The following SYT17 variants were observed in gnomAD, a reference collection of about 807,000 sequenced individuals.
SYT17 encodes the protein synaptotagmin 17.
A neutral mutation model predicts 46.7 loss-of-function variants in SYT17; 22 were observed. That is an observed-to-expected ratio of 0.47 (90% CI 0.34 to 0.67). The LOEUF (loss-of-function observed/expected upper bound fraction) is 0.67. SYT17 is among the 30% of genes least tolerant of loss of function. The probability of loss-of-function intolerance (pLI) is 0.01; values close to 1 mark genes in which losing one functional copy is unlikely to be tolerated. For missense variants in SYT17, 519 were observed against 612.8 expected, an observed-to-expected ratio of 0.85 and a Z score of 1.62; for synonymous variants, 251 against 248.4, an observed-to-expected ratio of 1.01 and a Z score of -0.10.
intron 5 of SYT17, among the ~76,000 whole-genome samples, chr16:19,191,300 G>A (rs1233949688): frequency 6.6e-6 from 1 of 152,214 alleles, no homozygotes; most frequent in Non-Finnish European, 1.5e-5. Context: ...CCGAGGGGAT[G>A]GTATTCAGAC....
At chr16:19,228,457 T>C (rs935899053) in intron 7 of SYT17, among the ~76,000 whole-genome samples, 6 of 152,164 alleles carry the variant, frequency 3.9e-5, no homozygotes, top group African/African-American at 1.2e-4. Flanking sequence ...AATCAGGGAT[T>C]CTCAACCCTG....
chr16:19,195,250 TAAGC>T (rs1965188036), intron 5 of SYT17, among the ~76,000 whole-genome samples: 1 of 152,150 alleles, frequency 6.6e-6, no homozygotes, highest in Admixed American at 6.5e-5. Flanking sequence ...AGGCATGCAT[TAAGC>T]AACCCATCCA....
At chr16:19,171,605 A>G (rs983371281) in intron 1 of SYT17, 3 of 152,152 alleles carry the variant, frequency 2.0e-5, no homozygotes, top group African/African-American at 7.2e-5. Context: ...GATTATAGGC[A>G]TCAGCCACCA....
At chr16:19,204,372 C>T (rs1022193584) in intron 5 of SYT17, among the ~76,000 whole-genome samples, 1 of 152,008 alleles carries the variant, frequency 6.6e-6, no homozygotes, top group Admixed American at 6.6e-5. Flanking sequence ...TGATTTTGGA[C>T]AGGCATGGGG....
At chr16:19,208,726 G>A (rs947673405) in intron 5 of SYT17, among the ~76,000 whole-genome samples, 1 of 151,946 alleles carries the variant, frequency 6.6e-6, no homozygotes, top group African/African-American at 2.4e-5. Context: ...AATATTTGGT[G>A]TCTATTGGCT....
At chr16:19,184,476 C>T (rs1185764203) in intron 5 of SYT17, among the ~76,000 whole-genome samples, 1 of 151,864 alleles carries the variant, frequency 6.6e-6, no homozygotes, top group African/African-American at 2.4e-5. Context: ...AACTCCACCT[C>T]CCAGGTTCAC....
intron 5 of SYT17, among the ~76,000 whole-genome samples, chr16:19,208,572 C>T (rs956103166): frequency 1.3e-5 from 2 of 152,186 alleles, no homozygotes; most frequent in African/African-American, 4.8e-5. Context: ...AATCACCTCC[C>T]ACCAGGTCCC....
chr16:19,216,258 T>C (rs1354490003), intron 5 of SYT17, among the ~76,000 whole-genome samples: 1 of 152,018 alleles, frequency 6.6e-6, no homozygotes, highest in East Asian at 1.9e-4. Context: ...AAGGCTTAAC[T>C]CAAATGCCTC....
chr16:19,240,971 G>A (rs1312784012), intron 7 of SYT17, among the ~76,000 whole-genome samples: 8 of 129,104 alleles, frequency 6.2e-5, no homozygotes, highest in East Asian at 4.3e-4. Flanking sequence ...TTTTTGAGAC[G>A]GAGTCTCGCT....
intron 5 of SYT17, among the ~76,000 whole-genome samples, chr16:19,208,942 G>C (rs2142782968): frequency 2.4e-5 from 3 of 125,566 alleles, no homozygotes; most frequent in African/African-American, 9.4e-5. Flanking sequence ...ACCCAGGCTG[G>C]AGTGCAGTGG....
At chr16:19,222,989 G>A in intron 5 of SYT17, 56 bp from the exon 6 acceptor site, 4 of 1,600,386 alleles carry the variant, frequency 2.5e-6, no homozygotes, top group Non-Finnish European at 3.4e-6. Context: ...TTGTATGGTG[G>A]GTGCAAAAGG....
At chr16:19,174,649 C>T (rs761190138) in intron 3 of SYT17, among the ~76,000 whole-genome samples, 1 of 152,176 alleles carries the variant, frequency 6.6e-6, no homozygotes, top group Non-Finnish European at 1.5e-5. Flanking sequence ...ACTACTATTT[C>T]GAGTTCTGTG....
At chr16:19,254,197 C>A (rs76517060) in intron 7 of SYT17, among the ~76,000 whole-genome samples, 2,048 of 152,298 alleles carry the variant, frequency 0.013, 37 homozygotes, top group African/African-American at 0.046. Flanking sequence ...CAGGCACCAC[C>A]CTCTGCAACT....
rs142950285 is a variant in SYT17 at position 19,227,407 on chromosome 16, C to T, written c.1228+2569C>T. On this transcript the variant is annotated intron_variant, in intron 7 of 7. Transcript: ENST00000355377. ...CTCGGCTCACTGCAAGCTCTACCTC[C>T]CAGGCTCAAGCAATTCTCGTGCCTC... is the stretch of plus-strand genomic sequence containing the variant. 1.1e-3 allele frequency among the ~76,000 whole-genome samples: 160 copies of T among 151,576 alleles called. 4 individuals are homozygous for T. In the East Asian group the frequency reaches 0.028, roughly 27 times the overall value.
chr16:19,232,658 C>T (rs1196497754), intron 7 of SYT17, among the ~76,000 whole-genome samples: 1 of 151,950 alleles, frequency 6.6e-6, no homozygotes, highest in African/African-American at 2.4e-5. Flanking sequence ...TGGCAAAACC[C>T]CATCTCTACT....
At position 19,219,848 on chromosome 16, in the gene SYT17, CTGTTTTGTTTT is replaced by C. The variant is rs548537387; in HGVS notation, c.952-3185_952-3175del. On this transcript the variant is annotated intron_variant, in intron 5 of 7. Transcript: ENST00000355377. ...GGTACATAGTAAACTGTTTTTTGTTCTGTTTTGTTTTTGTTTTGTTTTGTTTTGTTTTAAAA... is the reference window on the plus strand; with the variant it reads ...GGTACATAGTAAACTGTTTTTTGTTCTGTTTTGTTTTGTTTTGTTTTAAAA... Among the ~76,000 whole-genome samples, 23 of 152,114 alleles carry C rather than the reference CTGTTTTGTTTT, an allele frequency of 1.5e-4. 2 individuals are homozygous for C. In the South Asian group the frequency reaches 3.9e-3, roughly 26 times the overall value.
intron 5 of SYT17, among the ~76,000 whole-genome samples, chr16:19,216,596 T>C (rs1966104824): frequency 6.6e-6 from 1 of 152,102 alleles, no homozygotes; most frequent in South Asian, 2.1e-4. Flanking sequence ...TGTGTTCTCA[T>C]TGTTCAGCTC....
At chr16:19,213,056 G>A (rs1965966751) in intron 5 of SYT17, among the ~76,000 whole-genome samples, 1 of 152,172 alleles carries the variant, frequency 6.6e-6, no homozygotes, top group Admixed American at 6.5e-5. Context: ...GTGCCTCCCA[G>A]GCTAGAGTGC....
At chr16:19,234,475 C>T (rs1966814742) in intron 7 of SYT17, among the ~76,000 whole-genome samples, 1 of 151,770 alleles carries the variant, frequency 6.6e-6, no homozygotes, top group South Asian at 2.1e-4. Flanking sequence ...TTTTACCTTT[C>T]CTCTAATGCT....
Sources: allele counts gnomAD v4.1 joint callset (sites outside exome capture counted in the v4.1 genomes callset), GRCh38; gene constraint gnomAD v4.1.1; transcripts MANE v1.5; gene names NCBI Gene and HGNC (gene_info 2026-07-23, HGNC 2026-07-21).